The following DHRSX variants were observed in gnomAD, a reference collection of about 807,000 sequenced individuals.
DHRSX encodes the protein dehydrogenase/reductase X-linked, also known as polyprenol dehydrogenase.
A neutral mutation model predicts 34.0 loss-of-function variants in DHRSX; 31 were observed. The ratio of observed to expected loss-of-function variants is 0.91; its 90% confidence interval spans 0.69 to 1.23. DHRSX has a LOEUF of 1.23. Among genes scored for constraint, DHRSX ranks in the 50% most tolerant of loss-of-function variants. The pLI is 0.00. For missense variants in DHRSX, 414 were observed against 428.1 expected, an observed-to-expected ratio of 0.97 and a Z score of 0.29; for synonymous variants, 201 against 183.8, an observed-to-expected ratio of 1.09 and a Z score of -0.76.
At chrX:2,343,047 T>C (rs2042659692) in intron 3 of DHRSX, among the ~76,000 whole-genome samples, 1 of 152,150 alleles carries the variant, frequency 6.6e-6, no homozygotes, top group Non-Finnish European at 1.5e-5. Flanking sequence ...ATGACTCATG[T>C]CAGCATAACC....
chrX:2,335,457 G>C (rs904282382), intron 3 of DHRSX, among the ~76,000 whole-genome samples: 4 of 151,010 alleles, frequency 2.6e-5, no homozygotes, highest in Admixed American at 6.6e-5. Context: ...TGGGGTGTGT[G>C]TGTGTGTGTG....
chrX:2,402,695 CT>C (rs2043501029), intron 3 of DHRSX, among the ~76,000 whole-genome samples: 1 of 151,138 alleles, frequency 6.6e-6, no homozygotes, highest in South Asian at 2.1e-4. Flanking sequence ...AGATTTTAAA[CT>C]TTTTTCTTTT....
At chrX:2,452,165 G>C (rs990867196) in intron 1 of DHRSX, among the ~76,000 whole-genome samples, 27 of 152,074 alleles carry the variant, frequency 1.8e-4, no homozygotes, top group Admixed American at 1.4e-3. Flanking sequence ...CATTCCCTAA[G>C]AATGTGGCTA....
chrX:2,394,171 A>T (rs2043379338), intron 3 of DHRSX, among the ~76,000 whole-genome samples: 1 of 152,170 alleles, frequency 6.6e-6, no homozygotes, highest in Non-Finnish European at 1.5e-5. Context: ...GGCCATGAGG[A>T]CATCTGAGCA....
At chrX:2,221,556 A>G (rs34553691) in intron 6 of DHRSX, among the ~76,000 whole-genome samples, 56,464 of 151,960 alleles carry the variant, frequency 0.37, 11,549 homozygotes, top group East Asian at 0.76. Context: ...ATGCTTATTA[A>G]TTGACTAGAA....
At chrX:2,409,724 GT>G (rs1177442428) in intron 2 of DHRSX, among the ~76,000 whole-genome samples, 6 of 151,016 alleles carry the variant, frequency 4.0e-5, no homozygotes, top group Non-Finnish European at 8.9e-5. Context: ...TTTTTGTTTT[GT>G]TTTTTTGTTT....
intron 4 of DHRSX, among the ~76,000 whole-genome samples, chrX:2,267,628 CCAAA>C (rs938258373): frequency 4.0e-5 from 6 of 151,896 alleles, no homozygotes; most frequent in South Asian, 2.1e-4. Flanking sequence ...ATCCAAGTCA[CCAAA>C]CAGAGTCCCC....
intron 3 of DHRSX, among the ~76,000 whole-genome samples, chrX:2,397,817 CAATT>C (rs963354910): frequency 5.9e-5 from 9 of 152,112 alleles, no homozygotes; most frequent in African/African-American, 2.2e-4. Flanking sequence ...AGACCATACA[CAATT>C]ACTTATTAAA....
At chrX:2,475,990 G>A (rs1262807967) in intron 1 of DHRSX, among the ~76,000 whole-genome samples, 1 of 152,134 alleles carries the variant, frequency 6.6e-6, no homozygotes, top group Non-Finnish European at 1.5e-5. Flanking sequence ...TTCACACCAA[G>A]GAAGACGTCT....
chrX:2,418,843 A>G (rs1469218345), intron 2 of DHRSX, among the ~76,000 whole-genome samples: 1 of 152,200 alleles, frequency 6.6e-6, no homozygotes, highest in African/African-American at 2.4e-5. Flanking sequence ...GATACAGCAG[A>G]TATCCACCTA....
At chrX:2,240,326 A>G (rs2016112640) in intron 6 of DHRSX, among the ~76,000 whole-genome samples, 1 of 151,872 alleles carries the variant, frequency 6.6e-6, no homozygotes, top group Non-Finnish European at 1.5e-5. Context: ...AAAAAAAGAA[A>G]TTCCTTTGCT....
chrX:2,363,262 CTG>C lies in DHRSX; in HGVS notation c.286+45481_286+45482del, dbSNP rs1227388058. Among the ~76,000 whole-genome samples, 219 of 129,940 alleles carry C rather than the reference CTG, an allele frequency of 1.7e-3. 20 individuals carry two copies. The highest frequency in any genetic ancestry group is 6.2e-3 in the African/African-American group (202 of 32,790). The allele number at this position is 129,940 out of a possible 152,430, so 85.2% of individuals were successfully genotyped here. On this transcript the variant is annotated intron_variant, in intron 3 of 6. Coordinates refer to ENST00000334651, the MANE Select transcript of DHRSX (RefSeq NM_145177.3). ...TTTATCACCTTTCTATGGTATCATG[CTG>C]CCATTTTATCACCGTTCTATGGTAT...
chrX:2,458,613 A>G (rs1401243613), intron 1 of DHRSX, among the ~76,000 whole-genome samples: 1 of 152,148 alleles, frequency 6.6e-6, no homozygotes, highest in Non-Finnish European at 1.5e-5. Context: ...TCATAGGTAG[A>G]ATCTAAAAAA....
At chrX:2,371,411 T>TAGACCCTCCTTTCGTTACC (rs2043063690) in intron 3 of DHRSX, among the ~76,000 whole-genome samples, 1 of 149,326 alleles carries the variant, frequency 6.7e-6, no homozygotes, top group Non-Finnish European at 1.5e-5. Context: ...CACATTACCA[T>TAGACCCTCCTTTCGTTACC]AGTCCCTCCT....
chrX:2,473,306 G>A (rs1372960618), intron 1 of DHRSX, among the ~76,000 whole-genome samples: 2 of 152,126 alleles, frequency 1.3e-5, no homozygotes, highest in Non-Finnish European at 2.9e-5. Context: ...GTTTATCTGC[G>A]AGTTTGAAAC....
intron 3 of DHRSX, among the ~76,000 whole-genome samples, chrX:2,340,531 A>T (rs2042628184): frequency 6.6e-6 from 1 of 152,002 alleles, no homozygotes; most frequent in African/African-American, 2.4e-5. Flanking sequence ...AGTAATGTCC[A>T]TCAAGGTACA....
intron 4 of DHRSX, among the ~76,000 whole-genome samples, chrX:2,276,864 G>C (rs1387180366): frequency 1.9e-5 from 1 of 53,146 alleles, no homozygotes; most frequent in Non-Finnish European, 4.8e-5. Context: ...AAACGAGAGG[G>C]AGAGAGAAGG....
At chrX:2,455,722 C>T (rs1450136670) in intron 1 of DHRSX, among the ~76,000 whole-genome samples, 1 of 69,104 alleles carries the variant, frequency 1.4e-5, no homozygotes, top group African/African-American at 5.8e-5. Flanking sequence ...GCCTTGGCGA[C>T]AAGAACAAAA....
At chrX:2,355,511 T>TAA (rs767512287) in intron 3 of DHRSX, among the ~76,000 whole-genome samples, 1,092 of 75,174 alleles carry the variant, frequency 0.015, 98 homozygotes, top group South Asian at 0.024. Flanking sequence ...AGACCCCATC[T>TAA]AAAAAAAAAA....
Sources: gnomAD v4.1 joint callset for allele counts (sites outside exome capture counted in the v4.1 genomes callset) on GRCh38, gnomAD v4.1.1 for gene constraint, MANE v1.5 for transcripts, NCBI Gene and HGNC (gene_info 2026-07-23, HGNC 2026-07-21) for gene names.